SPIDR: variants seen among roughly 807,000 people sequenced by gnomAD.
SPIDR encodes scaffold protein involved in DNA repair.
In SPIDR, 93 loss-of-function variants were observed where a neutral mutation model predicts 104.6. That is an observed-to-expected ratio of 0.89 (90% CI 0.75 to 1.06). The LOEUF is 1.06. Among genes scored for constraint, SPIDR ranks in the 50% least tolerant of loss-of-function variants. The pLI is 0.00. For synonymous variants in SPIDR, 431 were observed against 416.9 expected (o/e 1.03, Z -0.41); for missense variants, 1,154 against 1,111.2 (o/e 1.04, Z -0.55).
chr8:47,287,464 G>A (rs1265153600), intron 3 of SPIDR, among the ~76,000 whole-genome samples: 1 of 152,056 alleles, frequency 6.6e-6, no homozygotes, highest in Non-Finnish European at 1.5e-5. Context: ...AAACCTGAGG[G>A]TACTGCAGGA....
At chr8:47,277,313 T>TTGTTATGTTATGTTA (rs75609635) in intron 1 of SPIDR, among the ~76,000 whole-genome samples, 20 of 142,068 alleles carry the variant, frequency 1.4e-4, no homozygotes, top group East Asian at 1.3e-3. Context: ...TATGTTATGT[T>TTGTTATGTTATGTTA]TGTTATGTTA....
intron 6 of SPIDR, among the ~76,000 whole-genome samples, chr8:47,405,734 GA>G (rs2062661899): frequency 1.3e-5 from 2 of 152,306 alleles, no homozygotes; most frequent in Admixed American, 6.5e-5. Flanking sequence ...ACGTTCAAAA[GA>G]GTTAATTTGG....
intron 14 of SPIDR, among the ~76,000 whole-genome samples, chr8:47,707,189 G>A (rs1459645032): frequency 1.3e-5 from 2 of 151,706 alleles, no homozygotes; most frequent in Non-Finnish European, 2.9e-5. Context: ...GGGAGGCAGA[G>A]GTTGAGTGAG....
At chr8:47,702,264 C>G (rs1033010358) in intron 14 of SPIDR, among the ~76,000 whole-genome samples, 1 of 152,168 alleles carries the variant, frequency 6.6e-6, no homozygotes, top group South Asian at 2.1e-4. Context: ...ATTCCTTTTA[C>G]AGATGCAGAC....
chr8:47,354,221 A>G (rs2054091726), intron 5 of SPIDR, among the ~76,000 whole-genome samples: 1 of 152,232 alleles, frequency 6.6e-6, no homozygotes, highest in Non-Finnish European at 1.5e-5. Flanking sequence ...AAGGTGACTT[A>G]GAAGCTACAA....
chr8:47,577,355 G>A (rs535782129), intron 8 of SPIDR, among the ~76,000 whole-genome samples: 4 of 152,338 alleles, frequency 2.6e-5, no homozygotes, highest in South Asian at 2.1e-4. Context: ...CCATAGAAAG[G>A]TTTCTTGTCA....
chr8:47,402,139 A>T (rs1390591753), intron 6 of SPIDR, among the ~76,000 whole-genome samples: 1 of 152,250 alleles, frequency 6.6e-6, no homozygotes, highest in Non-Finnish European at 1.5e-5. Flanking sequence ...AATGTCTCTG[A>T]GACCACAGTG....
At chr8:47,690,416 A>G (rs964353305) in intron 11 of SPIDR, among the ~76,000 whole-genome samples, 4 of 151,094 alleles carry the variant, frequency 2.6e-5, no homozygotes, top group African/African-American at 9.7e-5. Context: ...ATCTTGAGTC[A>G]AGAGTTGATT....
rs542786701 is a variant in SPIDR, at chr8:47,676,084, A to G, written c.1685+2143A>G. On this transcript the variant is annotated intron_variant, in intron 11 of 19. Coordinates refer to ENST00000297423, the MANE Select transcript of SPIDR (RefSeq NM_001080394.4). ...AGGACACAGCCAGACAGGACCTGGG[A>G]ATCTTTGTCTCTCTAAAGGTCCTGT... 2.0e-5 allele frequency among the ~76,000 whole-genome samples: 3 copies of G among 152,324 alleles called. No homozygotes were observed. The East Asian group carries it at 5.8e-4, about 29-fold the overall frequency.
At chr8:47,330,616 C>CT (rs1164384535) in intron 5 of SPIDR, among the ~76,000 whole-genome samples, 2 of 152,094 alleles carry the variant, frequency 1.3e-5, no homozygotes, top group Non-Finnish European at 2.9e-5. Context: ...TATAGTATGG[C>CT]TTTTTTGGAG....
chr8:47,557,998 T>G (rs2091519872), intron 8 of SPIDR, among the ~76,000 whole-genome samples: 1 of 152,198 alleles, frequency 6.6e-6, no homozygotes, highest in Admixed American at 6.5e-5. Context: ...CGATGGCCTT[T>G]GCAGGAACAT....
intron 10 of SPIDR, among the ~76,000 whole-genome samples, chr8:47,618,549 C>T (rs552331260): frequency 2.6e-5 from 4 of 151,894 alleles, no homozygotes; most frequent in East Asian, 1.9e-4. Flanking sequence ...ATATTATACA[C>T]GAAGGAGATA....
intron 8 of SPIDR, among the ~76,000 whole-genome samples, chr8:47,504,144 T>A (rs1438059360): frequency 1.3e-5 from 2 of 152,212 alleles, no homozygotes; most frequent in African/African-American, 4.8e-5. Context: ...AGTGTCTTTG[T>A]GGCGTTCTCT....
At chr8:47,498,747 A>G (rs895812826) in intron 8 of SPIDR, among the ~76,000 whole-genome samples, 2 of 152,200 alleles carry the variant, frequency 1.3e-5, no homozygotes, top group Non-Finnish European at 2.9e-5. Context: ...TTTATGTTCA[A>G]CCAGTCCATA....
chr8:47,372,237 C>T (rs1169922682), intron 5 of SPIDR, among the ~76,000 whole-genome samples: 1 of 152,044 alleles, frequency 6.6e-6, no homozygotes, highest in Non-Finnish European at 1.5e-5. Flanking sequence ...ATCGTTTGTC[C>T]CCAGCCTAGG....
At chr8:47,580,801 C>T (rs947168312) in intron 8 of SPIDR, among the ~76,000 whole-genome samples, 17 of 152,064 alleles carry the variant, frequency 1.1e-4, no homozygotes, top group African/African-American at 3.9e-4. Flanking sequence ...TGTGTTTATC[C>T]ATTAATTTAG....
chr8:47,306,887 G>A (rs587685692), intron 5 of SPIDR, among the ~76,000 whole-genome samples: 25 of 152,130 alleles, frequency 1.6e-4, no homozygotes, highest in Admixed American at 2.6e-4. Flanking sequence ...TGTTTTCTCT[G>A]TTGTTAGTAT....
chr8:47,489,072 G>A (rs1191006058), intron 8 of SPIDR, among the ~76,000 whole-genome samples: 5 of 152,184 alleles, frequency 3.3e-5, no homozygotes, highest in African/African-American at 1.2e-4. Flanking sequence ...GTCCCTGTTT[G>A]CAGATGACAT....
intron 18 of SPIDR, 35 bp from the exon 19 acceptor site, chr8:47,729,377 G>A: frequency 1.3e-6 from 2 of 1,569,024 alleles, no homozygotes; most frequent in Non-Finnish European, 1.7e-6. Context: ...CTGTGTTGGA[G>A]GGAGTTTAAC....
Sources: gnomAD v4.1 joint callset for allele counts (sites outside exome capture counted in the v4.1 genomes callset) on GRCh38, gnomAD v4.1.1 for gene constraint, MANE v1.5 for transcripts, NCBI Gene and HGNC (gene_info 2026-07-23, HGNC 2026-07-21) for gene names.